The following NFATC1 variants were observed in gnomAD, a reference collection of about 807,000 sequenced individuals.
The protein encoded by NFATC1 is nuclear factor of activated T cells 1.
In NFATC1, 22 loss-of-function variants were observed where a neutral mutation model predicts 76.0. The ratio of observed to expected loss-of-function variants is 0.29; its 90% CI spans 0.21 to 0.41. The LOEUF (loss-of-function observed/expected upper bound fraction) is 0.41, where lower values mean the gene tolerates loss of function less well. NFATC1 is among the 10% of genes least tolerant of loss of function. The pLI, the probability that NFATC1 is intolerant of heterozygous loss-of-function variation, is 1.00. For synonymous variants in NFATC1, 704 were observed against 613.1 expected (o/e 1.15, Z -2.19); for missense variants, 1,357 against 1,337.7 (o/e 1.01, Z -0.23).
chr18:79,461,379 G>A lies in NFATC1; in HGVS notation c.1959+13G>A, dbSNP rs759079838. ...CCTGTGCAAGCCGGTGAGTGCCTTTGGCGCAGCTGGAGCTACTGTGGGTCC... is the reference window on the plus strand; with the variant it reads ...CCTGTGCAAGCCGGTGAGTGCCTTTAGCGCAGCTGGAGCTACTGTGGGTCC... On this transcript the variant is annotated intron_variant, in intron 7 of 9. Coordinates refer to ENST00000427363, the MANE Select transcript of NFATC1 (RefSeq NM_001278669.2). 11 of 1,614,086 alleles carry A rather than the reference G, an allele frequency of 6.8e-6. No homozygotes were observed. The highest frequency in any genetic ancestry group is 1.6e-4 in the Middle Eastern group (1 of 6,062).
intron 2 of NFATC1, among the ~76,000 whole-genome samples, chr18:79,433,244 G>T (rs1022836056): frequency 2.6e-5 from 4 of 152,202 alleles, no homozygotes; most frequent in Admixed American, 6.5e-5. Context: ...TTAGGCCACA[G>T]CCCATCCCTC....
chr18:79,400,492 C>G (rs1482167424), intron 1 of NFATC1: 4 of 1,427,844 alleles, frequency 2.8e-6, no homozygotes, highest in Non-Finnish European at 3.7e-6. Flanking sequence ...GGGTCAGTCC[C>G]GGAGGGCGCG....
At chr18:79,479,841 C>T (rs1410211355) in intron 8 of NFATC1, among the ~76,000 whole-genome samples, 1 of 152,172 alleles carries the variant, frequency 6.6e-6, no homozygotes, top group Non-Finnish European at 1.5e-5. Context: ...ATGGGGCAGT[C>T]GCCTGGGGAA....
At chr18:79,526,878 G>A (rs565403035) in intron 9 of NFATC1, among the ~76,000 whole-genome samples, 5 of 152,232 alleles carry the variant, frequency 3.3e-5, no homozygotes, top group South Asian at 2.1e-4. Context: ...GTTCCGTGAC[G>A]TCAGCGCACG....
At chr18:79,428,395 C>T (rs1055023270) in intron 2 of NFATC1, among the ~76,000 whole-genome samples, 3 of 152,190 alleles carry the variant, frequency 2.0e-5, no homozygotes, top group African/African-American at 7.2e-5. Context: ...AAAGACCAAG[C>T]GCACCCCGGA....
intron 8 of NFATC1, chr18:79,469,561 G>A: frequency 1.0e-6 from 1 of 985,682 alleles, no homozygotes; most frequent in Non-Finnish European, 1.2e-6. Context: ...TGCCTCGATT[G>A]GCCCCGGCTC....
intron 1 of NFATC1, among the ~76,000 whole-genome samples, chr18:79,409,348 CCA>C (rs2085570635): frequency 4.6e-5 from 7 of 150,922 alleles, no homozygotes; most frequent in Admixed American, 4.6e-4. Flanking sequence ...ATCCATCCAT[CCA>C]TCCATCATCA....
At chr18:79,400,409 C>G (rs1457262869) in intron 1 of NFATC1, 4 of 1,494,870 alleles carry the variant, frequency 2.7e-6, no homozygotes, top group Non-Finnish European at 3.6e-6. Context: ...GGCTGGAGGA[C>G]CAGGAGTTCG....
intron 8 of NFATC1, chr18:79,469,414 C>T (rs2088682131): frequency 1.0e-6 from 1 of 985,540 alleles, no homozygotes; most frequent in Non-Finnish European, 1.2e-6. Flanking sequence ...GGGAGCGTGC[C>T]TGCCCTTCAC....
At chr18:79,416,687 C>T (rs373126086) in intron 2 of NFATC1, among the ~76,000 whole-genome samples, 4 of 152,188 alleles carry the variant, frequency 2.6e-5, no homozygotes, top group African/African-American at 7.2e-5. Flanking sequence ...TGGGCTGGAA[C>T]GGCTCAGGAC....
rs2085650345 is a variant in NFATC1 at position 79,410,939 on chromosome 18, C to G, written c.664C>G (p.Pro222Ala). 1 of 1,603,138 alleles carries G rather than the reference C, an allele frequency of 6.2e-7. No homozygotes were observed. The highest frequency in any genetic ancestry group is 1.3e-5 in the African/African-American group (1 of 74,788). ...GACCACGGACCCCGAGGAGGGCTTT[C>G]CCCGCGGGCTGGGGGCCTGCACACT... ...PKTTDPEEGFPRGLGACTLLG... is the reference protein window; with the variant it reads ...PKTTDPEEGFARGLGACTLLG... The change falls in exon 2 of 10, where the codon CCC becomes GCC. Residue 222 changes from proline to alanine, a missense_variant. Physicochemically the swap from Pro to Ala is conservative, Grantham distance 27. This residue lies in a region of NFATC1 where 691 missense variants were observed against 613.1 expected (regional missense o/e 1.13). Transcript: ENST00000427363. The surrounding 1 kb of genome is among the most constrained non-coding windows in gnomAD (Gnocchi z 6.7).
intron 9 of NFATC1, among the ~76,000 whole-genome samples, chr18:79,507,432 A>G (rs1268672943): frequency 6.6e-6 from 1 of 152,238 alleles, no homozygotes; most frequent in Non-Finnish European, 1.5e-5. Flanking sequence ...CCCCACAGAC[A>G]TGGGGCTGAC....
At position 79,492,881 on chromosome 18, in the gene NFATC1, A is replaced by AAAAAAAG. The variant is rs545900115; in HGVS notation, c.2782+5948_2782+5949insAAGAAAA. 2.7e-5 allele frequency among the ~76,000 whole-genome samples: 4 copies of AAAAAAAG among 146,134 alleles called. 1 individual carries two copies. The highest frequency in any genetic ancestry group is 1.1e-4 in the African/African-American group (4 of 37,562). ...AAAGCGAGACTCCATCTCAAAAAAA[A>AAAAAAAG]AAAAGAAAAATGAATCCAGCTTTTT... On this transcript the variant is annotated intron_variant, in intron 9 of 9. Coordinates refer to ENST00000427363, the MANE Select transcript of NFATC1 (RefSeq NM_001278669.2).
intron 7 of NFATC1, among the ~76,000 whole-genome samples, chr18:79,464,698 A>ATATATATATATATAT (rs1329123171): frequency 1.2e-4 from 11 of 94,866 alleles, no homozygotes; most frequent in Admixed American, 3.0e-4. Flanking sequence ...ATATATATTT[A>ATATATATATATATAT]TTTATTTATT....
intron 9 of NFATC1, among the ~76,000 whole-genome samples, chr18:79,517,666 T>C (rs2090416729): frequency 6.6e-6 from 1 of 152,254 alleles, no homozygotes; most frequent in African/African-American, 2.4e-5. Context: ...GACGTTCTGA[T>C]GTCTGATAAT....
chr18:79,470,099 C>A (rs1307397385), intron 8 of NFATC1: 3 of 661,918 alleles, frequency 4.5e-6, no homozygotes, highest in African/African-American at 2.0e-5. Context: ...GCCGAGGCCG[C>A]TCCAGGACCT....
intron 2 of NFATC1, chr18:79,422,820 G>A (rs1171933629): frequency 6.6e-6 from 1 of 152,262 alleles, no homozygotes; most frequent in Non-Finnish European, 1.5e-5. Context: ...TTTCTGGGAG[G>A]GAGAAAGGCT....
chr18:79,460,933 C>T (rs559752607), intron 6 of NFATC1, among the ~76,000 whole-genome samples: 4 of 152,318 alleles, frequency 2.6e-5, no homozygotes, highest in African/African-American at 7.2e-5. Context: ...CTGGAGAGGA[C>T]GAGGGCATAG....
chr18:79,427,650 G>A (rs1350757714), intron 2 of NFATC1, among the ~76,000 whole-genome samples: 6 of 118,354 alleles, frequency 5.1e-5, no homozygotes, highest in Non-Finnish European at 1.0e-4. Flanking sequence ...GGTGGAGGCT[G>A]GACGGCTGGC....
Sources: allele counts gnomAD v4.1 joint callset (sites outside exome capture counted in the v4.1 genomes callset), GRCh38; gene constraint gnomAD v4.1.1; regional missense constraint gnomAD v4.1.1; non-coding constraint Gnocchi (gnomAD v3.1); transcripts MANE v1.5; gene names NCBI Gene and HGNC (gene_info 2026-07-23, HGNC 2026-07-21).